Variants in MAPKAP1 observed in about 807,000 individuals in gnomAD.
MAPKAP1 encodes the protein MAPK associated protein 1.
A neutral mutation model predicts 65.7 loss-of-function variants in MAPKAP1; 20 were observed. The observed-to-expected ratio is 0.30, with a 90% CI of 0.21 to 0.44. The LOEUF (loss-of-function observed/expected upper bound fraction) is 0.44, where lower values mean the gene tolerates loss of function less well. Ranked by LOEUF, MAPKAP1 falls within the 20% of genes least tolerant of loss-of-function variation. The pLI is 1.00. For missense variants in MAPKAP1, 423 were observed against 648.0 expected (o/e 0.65, Z 3.77); for synonymous variants, 222 against 244.3 (o/e 0.91, Z 0.85).
At chr9:125,680,889 G>A (rs960699801) in intron 1 of MAPKAP1, among the ~76,000 whole-genome samples, 5 of 152,148 alleles carry the variant, frequency 3.3e-5, no homozygotes, top group African/African-American at 1.2e-4. Context: ...GAAGACTTCA[G>A]GAAGGAAGGC....
At chr9:125,547,397 T>A (rs1035758931) in intron 6 of MAPKAP1, among the ~76,000 whole-genome samples, 8 of 152,146 alleles carry the variant, frequency 5.3e-5, no homozygotes, top group African/African-American at 1.7e-4. Flanking sequence ...AAATCTTGGT[T>A]CCGTGGCTAA....
chr9:125,637,834 G>A (rs761532334), intron 4 of MAPKAP1, among the ~76,000 whole-genome samples: 24 of 152,160 alleles, frequency 1.6e-4, no homozygotes, highest in Admixed American at 1.4e-3. Context: ...GTGCAGTGGC[G>A]CAGTCTCAGT....
At chr9:125,618,962 T>C (rs1564585492) in intron 4 of MAPKAP1, among the ~76,000 whole-genome samples, 1 of 152,072 alleles carries the variant, frequency 6.6e-6, no homozygotes, top group Admixed American at 6.5e-5. Flanking sequence ...TAAAACCCTA[T>C]CTCTACAAAA....
chr9:125,607,325 T>C (rs1222475448), intron 4 of MAPKAP1, among the ~76,000 whole-genome samples: 1 of 152,126 alleles, frequency 6.6e-6, no homozygotes, highest in African/African-American at 2.4e-5. Context: ...ACAAGCAAGA[T>C]ATAAAGGGTG....
At chr9:125,452,306 C>G (rs941656489) in intron 10 of MAPKAP1, among the ~76,000 whole-genome samples, 8 of 151,832 alleles carry the variant, frequency 5.3e-5, no homozygotes, top group Non-Finnish European at 1.2e-4. Flanking sequence ...GCCATGTTGG[C>G]TAGGCTAGTC....
chr9:125,544,108 T>G (rs1324880551), intron 6 of MAPKAP1, among the ~76,000 whole-genome samples: 1 of 152,154 alleles, frequency 6.6e-6, no homozygotes. Context: ...CTGCCCAGGT[T>G]CAGGCGATTC....
intron 4 of MAPKAP1, among the ~76,000 whole-genome samples, chr9:125,592,902 CA>C (rs35339033): frequency 1.7e-3 from 120 of 70,966 alleles, no homozygotes; most frequent in East Asian, 0.011. Flanking sequence ...GACTCCGTCT[CA>C]AAAAAAAAAA....
At chr9:125,488,168 G>A (rs1466448757) in intron 8 of MAPKAP1, among the ~76,000 whole-genome samples, 2 of 152,094 alleles carry the variant, frequency 1.3e-5, no homozygotes, top group African/African-American at 2.4e-5. Context: ...AAGTCCCCCC[G>A]ATACCTGGGG....
At chr9:125,521,692 C>A in intron 7 of MAPKAP1, 2 of 1,601,426 alleles carry the variant, frequency 1.2e-6, no homozygotes, top group Non-Finnish European at 1.7e-6. Context: ...ACTCAAAACC[C>A]ACAGCAGTTC....
intron 4 of MAPKAP1, chr9:125,596,501 G>A: frequency 5.4e-6 from 4 of 738,246 alleles, no homozygotes; most frequent in Non-Finnish European, 1.0e-5. Flanking sequence ...ATGATGAAAG[G>A]AAACTTTGGA....
At chr9:125,534,570 T>C (rs1218521100) in intron 7 of MAPKAP1, among the ~76,000 whole-genome samples, 2 of 152,240 alleles carry the variant, frequency 1.3e-5, no homozygotes, top group African/African-American at 4.8e-5. Flanking sequence ...TGGACAGATT[T>C]CTTGAGAGCC....
chr9:125,560,425 A>C (rs1830858626), intron 5 of MAPKAP1, among the ~76,000 whole-genome samples: 1 of 152,062 alleles, frequency 6.6e-6, no homozygotes, highest in South Asian at 2.1e-4. Context: ...TCTCTGCTAA[A>C]ATACAAAAAT....
intron 8 of MAPKAP1, among the ~76,000 whole-genome samples, chr9:125,486,825 CCT>C (rs1854512596): frequency 6.6e-6 from 1 of 152,076 alleles, no homozygotes; most frequent in Non-Finnish European, 1.5e-5. Flanking sequence ...CCGGCCCCTC[CCT>C]GTTTTCCTAC....
chr9:125,648,672 G>A (rs185961758), intron 4 of MAPKAP1, among the ~76,000 whole-genome samples: 105 of 152,302 alleles, frequency 6.9e-4, no homozygotes, highest in Non-Finnish European at 7.8e-4. Context: ...GCTGGGCACA[G>A]TGGTTCATAC....
chr9:125,691,401 T>A (rs1835166374), intron 1 of MAPKAP1, among the ~76,000 whole-genome samples: 1 of 152,132 alleles, frequency 6.6e-6, no homozygotes, highest in Non-Finnish European at 1.5e-5. Flanking sequence ...AGAAACAGAT[T>A]ATCAGGTAGT....
chr9:125,689,439 A>AGG (rs1192340140), intron 1 of MAPKAP1, among the ~76,000 whole-genome samples: 5 of 132,090 alleles, frequency 3.8e-5, no homozygotes, highest in East Asian at 2.2e-4. Context: ...CATCTCGGAA[A>AGG]AAAAAAAAAA....
intron 7 of MAPKAP1, among the ~76,000 whole-genome samples, chr9:125,533,947 A>G (rs2133146591): frequency 6.6e-6 from 1 of 152,338 alleles, no homozygotes; most frequent in East Asian, 1.9e-4. Flanking sequence ...AAGTTGAACA[A>G]ATTATTAGGA....
intron 5 of MAPKAP1, among the ~76,000 whole-genome samples, chr9:125,582,830 G>GACATATGGAGAAAATA (rs1202191870): frequency 6.6e-6 from 1 of 152,164 alleles, no homozygotes; most frequent in African/African-American, 2.4e-5. Flanking sequence ...TTGACACCAT[G>GACATATGGAGAAAATA]ACATATGGAG....
chr9:125,439,300 G>A lies in MAPKAP1; in HGVS notation c.1444-288C>T, dbSNP rs143952968. ...TCCGGAGCCCATGCTCCCTCCTGGCGTGAGCCACTCCCGGAAGGCTGTGCC... is the reference window on the plus strand; with the variant it reads ...TCCGGAGCCCATGCTCCCTCCTGGCATGAGCCACTCCCGGAAGGCTGTGCC... On this transcript the variant is annotated intron_variant, in intron 11 of 11. Coordinates refer to ENST00000265960, the MANE Select transcript of MAPKAP1 (RefSeq NM_001006617.3). The surrounding 1 kb of genome is among the most constrained non-coding windows in gnomAD (Gnocchi z 4.0). 8.7e-3 allele frequency among the ~76,000 whole-genome samples: 1,328 copies of A among 152,376 alleles called. 9 individuals carry two copies. The highest frequency in any genetic ancestry group is 0.016 in the Non-Finnish European group (1,072 of 68,040).
Sources: gnomAD v4.1 joint callset for allele counts (sites outside exome capture counted in the v4.1 genomes callset) on GRCh38, gnomAD v4.1.1 for gene constraint, Gnocchi (gnomAD v3.1) non-coding constraint, MANE v1.5 for transcripts, NCBI Gene and HGNC (gene_info 2026-07-23, HGNC 2026-07-21) for gene names.